Variants in XKR4 observed in about 807,000 individuals in gnomAD.
The protein encoded by XKR4 is XK related 4, also known as XK-related protein 4.
Under a neutral mutation model 53.9 loss-of-function variants are expected in XKR4, and 12 were observed. The ratio of observed to expected loss-of-function variants is 0.22; its 90% CI spans 0.14 to 0.36. XKR4 has a LOEUF of 0.36. XKR4 is among the 10% of genes least tolerant of loss of function. XKR4 has a pLI of 1.00. For synonymous variants in XKR4, 354 were observed against 362.4 expected, an observed-to-expected ratio of 0.98 and a Z score of 0.26; for missense variants, 799 against 859.5, an observed-to-expected ratio of 0.93 and a Z score of 0.88.
At chr8:55,145,423 T>G in intron 1 of XKR4, among the ~76,000 whole-genome samples, 1 of 105,490 alleles carries the variant, frequency 9.5e-6, no homozygotes, top group Middle Eastern at 4.2e-3. Context: ...TACCTAAAAT[T>G]TTTTCTCAAA....
At chr8:55,258,224 C>A (rs73682929) in intron 1 of XKR4, among the ~76,000 whole-genome samples, 2 of 152,134 alleles carry the variant, frequency 1.3e-5, no homozygotes, top group African/African-American at 4.8e-5. Context: ...CGAGGGAAAG[C>A]GACAGACAGG....
At chr8:55,450,965 C>T (rs1442783010) in intron 2 of XKR4, 2 of 512,214 alleles carry the variant, frequency 3.9e-6, no homozygotes, top group African/African-American at 1.9e-5. Context: ...CTAGGCTGGG[C>T]TCAGCAGTAG....
chr8:55,480,605 T>C (rs1443389901), intron 2 of XKR4, among the ~76,000 whole-genome samples: 1 of 151,978 alleles, frequency 6.6e-6, no homozygotes, highest in Non-Finnish European at 1.5e-5. Context: ...AAAGAGGAAG[T>C]CAAATTGTCC....
At chr8:55,442,310 G>A (rs906695822) in intron 2 of XKR4, among the ~76,000 whole-genome samples, 2 of 152,120 alleles carry the variant, frequency 1.3e-5, no homozygotes, top group Admixed American at 6.5e-5. Flanking sequence ...GGATGGCTAA[G>A]ACCAAAAAGA....
intron 1 of XKR4, chr8:55,140,218 T>C: frequency 2.5e-6 from 1 of 395,258 alleles, no homozygotes. Context: ...CTGCAGACTC[T>C]AATAAATAAT....
chr8:55,197,692 C>T (rs1330944620), intron 1 of XKR4, among the ~76,000 whole-genome samples: 7 of 151,928 alleles, frequency 4.6e-5, no homozygotes, highest in East Asian at 1.9e-4. Context: ...TACAGGCACC[C>T]GCCACCACGC....
At chr8:55,310,897 T>A (rs1339821426) in intron 1 of XKR4, among the ~76,000 whole-genome samples, 1 of 152,146 alleles carries the variant, frequency 6.6e-6, no homozygotes, top group Admixed American at 6.5e-5. Flanking sequence ...CAGAGGGTGT[T>A]ATAGGGTCAA....
intron 2 of XKR4, among the ~76,000 whole-genome samples, chr8:55,440,947 C>T (rs1264998984): frequency 6.6e-6 from 1 of 151,652 alleles, no homozygotes; most frequent in Admixed American, 6.6e-5. Context: ...GTCACGGTGG[C>T]TCATGCCTGT....
chr8:55,222,730 C>A (rs975576660), intron 1 of XKR4, among the ~76,000 whole-genome samples: 2 of 152,148 alleles, frequency 1.3e-5, no homozygotes, highest in Non-Finnish European at 2.9e-5. Context: ...GTGAATGAAA[C>A]CCTTACTACA....
At chr8:55,341,087 C>T (rs1463530426) in intron 1 of XKR4, among the ~76,000 whole-genome samples, 3 of 152,060 alleles carry the variant, frequency 2.0e-5, no homozygotes, top group South Asian at 2.1e-4. Context: ...GGGGGTGCTG[C>T]GGGGAACCTG....
chr8:55,421,522 G>A lies in XKR4; in HGVS notation c.1006+63645G>A, dbSNP rs182036853. Among the ~76,000 whole-genome samples the A allele has an allele frequency of 5.5e-3, 839 of 151,994 alleles. 8 individuals carry two copies. Among genetic ancestry groups the A allele is most frequent in the African/African-American group, 0.019 (778 of 41,470 alleles). On this transcript the variant is annotated intron_variant, in intron 2 of 2. Coordinates refer to ENST00000327381, the MANE Select transcript of XKR4 (RefSeq NM_052898.2). The stretch of plus-strand genomic sequence containing the variant: ...AGGAGACATCCAGGCATCGCACCTT[G>A]GCATCTCTCTCTCTCTCTCTCTCTG...
chr8:55,166,376 T>C (rs1178897784), intron 1 of XKR4, among the ~76,000 whole-genome samples: 1 of 152,234 alleles, frequency 6.6e-6, no homozygotes, highest in Non-Finnish European at 1.5e-5. Context: ...CAGTCATCTC[T>C]GCTGAGTCTT....
chr8:55,116,292 A>C (rs1296775308), intron 1 of XKR4, among the ~76,000 whole-genome samples: 2 of 152,088 alleles, frequency 1.3e-5, no homozygotes, highest in African/African-American at 4.8e-5. Context: ...GGAAAATTGA[A>C]CTGGGACTCC....
chr8:55,463,872 C>A (rs1357555607), intron 2 of XKR4, among the ~76,000 whole-genome samples: 3 of 152,126 alleles, frequency 2.0e-5, no homozygotes, highest in Admixed American at 2.0e-4. Context: ...ACTAGAAAAT[C>A]TAGAAGAAAT....
intron 2 of XKR4, among the ~76,000 whole-genome samples, chr8:55,397,195 C>T (rs1449147248): frequency 6.6e-6 from 1 of 152,202 alleles, no homozygotes; most frequent in Non-Finnish European, 1.5e-5. Context: ...AGGGAAAAAT[C>T]TTTGAGAGGA....
Position 55,132,556 on chromosome 8 carries a change from G to A in XKR4, c.806+29262G>A, listed in dbSNP as rs115153914. On this transcript the variant is annotated intron_variant, in intron 1 of 2. Coordinates refer to ENST00000327381, the MANE Select transcript of XKR4 (RefSeq NM_052898.2). ...GGCTCTCAAAATATCTTACTGTACT[G>A]TACCACAGGTAAGTGAAACCATGTA... is the stretch of plus-strand genomic sequence containing the variant. Among the ~76,000 whole-genome samples, 1,299 of 152,252 alleles carry A rather than the reference G, an allele frequency of 8.5e-3. 20 individuals carry two copies. Among genetic ancestry groups the A allele is most frequent in the African/African-American group, 0.03 (1,237 of 41,532 alleles).
intron 1 of XKR4, among the ~76,000 whole-genome samples, chr8:55,221,988 C>T (rs560741405): frequency 6.6e-6 from 1 of 152,316 alleles, no homozygotes; most frequent in Admixed American, 6.5e-5. Context: ...TTCTTCCTTA[C>T]AACTAATCTG....
chr8:55,354,759 C>A (rs948756802), intron 1 of XKR4, among the ~76,000 whole-genome samples: 2 of 150,210 alleles, frequency 1.3e-5, no homozygotes, highest in Non-Finnish European at 1.5e-5. Context: ...AAGCAAATAC[C>A]TCTAAATGAG....
At chr8:55,260,198 G>C (rs6997430) in intron 1 of XKR4, among the ~76,000 whole-genome samples, 112,646 of 152,056 alleles carry the variant, frequency 0.74, 45,499 homozygotes, top group Non-Finnish European at 0.91. Context: ...TTCCCCTACA[G>C]CTGTTCACTC....
Sources: gnomAD v4.1 joint callset for allele counts (sites outside exome capture counted in the v4.1 genomes callset) on GRCh38, gnomAD v4.1.1 for gene constraint, MANE v1.5 for transcripts, NCBI Gene and HGNC (gene_info 2026-07-23, HGNC 2026-07-21) for gene names.